ZNF445: variants seen among roughly 807,000 people sequenced by gnomAD.
The protein encoded by ZNF445 is zinc finger protein 445.
ZNF445 carries 19 observed loss-of-function variants against 93.9 expected under a neutral mutation model. The ratio of observed to expected loss-of-function variants is 0.20; its 90% CI spans 0.14 to 0.30. The LOEUF (loss-of-function observed/expected upper bound fraction) is 0.30, where lower values mean the gene tolerates loss of function less well. Among genes scored for constraint, ZNF445 ranks in the 10% least tolerant of loss-of-function variants. The probability of loss-of-function intolerance (pLI) is 1.00; values close to 1 mark genes in which losing one functional copy is unlikely to be tolerated. For synonymous variants in ZNF445, 449 were observed against 446.3 expected (o/e 1.01, Z -0.08); for missense variants, 1,058 against 1,259.4 (o/e 0.84, Z 2.42).
rs1371115728 is a variant in ZNF445 at position 44,436,630 on chromosome 3, TA to T, written c.*9944del. On this transcript the variant is annotated 3_prime_UTR_variant, in exon 8 of 8. Transcript: ENST00000396077. The stretch of plus-strand genomic sequence containing the variant: ...GCATTTCAACTCATTCAGTGCAGGT[TA>T]TGTTTGCATTCGTGTTTTTTTTTTC... 6.6e-6 allele frequency: 1 copy of T among 152,190 alleles called. No homozygotes were observed. Among genetic ancestry groups the T allele is most frequent in the African/African-American group, 2.4e-5 (1 of 41,454 alleles). The allele number at this position is 152,190 out of a possible 1,614,324, so 9.4% of individuals were successfully genotyped here. A position where few individuals can be genotyped will look rare whatever the true frequency, so the allele number is the denominator to read the frequency against.
At chr3:44,473,229 G>A (rs1014482259) in intron 1 of ZNF445, among the ~76,000 whole-genome samples, 2 of 151,970 alleles carry the variant, frequency 1.3e-5, no homozygotes, top group Non-Finnish European at 2.9e-5. Flanking sequence ...AGGCTGAGGC[G>A]AGATCATCTG....
In ZNF445 at chr3:44,455,360, G is replaced by T; in HGVS notation, c.190C>A (p.His64Asn). ...FRQLFRQLRY[H>N]ESSGPLETLS... is the part of the protein sequence containing the mutation. ...GTTTCTAGGGGCCCTGAAGACTCAT[G>T]GTAGCGAAGCTGTCTGAAGAGCTGG... Residue 64 changes from histidine (H) to asparagine (N), a missense_variant, in exon 3 of 8, where the codon CAT becomes AAT. His to Asn is a moderately conservative substitution (Grantham distance 68). Around this residue, in one of 3 missense-constraint regions of ZNF445, gnomAD observed 657 missense variants for 746.4 expected, o/e 0.88. Transcript: ENST00000396077. 1 of 1,614,098 alleles carries T rather than the reference G, an allele frequency of 6.2e-7. No individual in the cohort carries two copies. Among genetic ancestry groups the T allele is most frequent in the Non-Finnish European group, 8.5e-7 (1 of 1,179,982 alleles).
rs1281696585 is a variant in ZNF445 at position 44,443,006 on chromosome 3, G to C, written c.*3569C>G. The C allele has an allele frequency of 6.6e-6, 1 of 152,252 alleles. No homozygotes were observed. Among genetic ancestry groups the C allele is most frequent in the Non-Finnish European group, 1.5e-5 (1 of 68,066 alleles). 9.4% of individuals were successfully genotyped at this position (152,252 alleles called of 1,614,324 possible). A position where few individuals can be genotyped will look rare whatever the true frequency, so the allele number is the denominator to read the frequency against. ...TTCCAGAGTGCTTGGTCTGGCTATG[G>C]AGATGGGCATAACCAAAAACACAAA... On this transcript the variant is annotated 3_prime_UTR_variant, in exon 8 of 8. Transcript: ENST00000396077.
Position 44,445,736 on chromosome 3 carries a change from G to C in ZNF445, c.*839C>G, listed in dbSNP as rs1348640346. 2 of 152,420 alleles carry C rather than the reference G, an allele frequency of 1.3e-5. No individual in the cohort carries two copies. The highest frequency in any genetic ancestry group is 4.8e-5 in the African/African-American group (2 of 41,426). The allele number at this position is 152,420 out of a possible 1,614,324, so 9.4% of individuals were successfully genotyped here. ...TCCAGCACTCCCTCTGCTCTTCTCT[G>C]ATTCACTTTGTCCACTACACACATC... On this transcript the variant is annotated 3_prime_UTR_variant, in exon 8 of 8. Coordinates refer to ENST00000396077, the MANE Select transcript of ZNF445 (RefSeq NM_181489.6).
chr3:44,435,217 A>C lies in ZNF445; in HGVS notation c.*11358T>G, dbSNP rs1245646867. On this transcript the variant is annotated 3_prime_UTR_variant, in exon 8 of 8. Transcript: ENST00000396077. ...ACTTCTCTAACCTATAAATCTCTCT[A>C]AGCCTCATCTTTGGGGAGGTGAATT... The C allele has an allele frequency of 1.3e-5, 2 of 152,090 alleles. No individual in the cohort carries two copies. Among genetic ancestry groups the C allele is most frequent in the East Asian group, 3.8e-4 (2 of 5,198 alleles). 9.4% of individuals were successfully genotyped at this position (152,090 alleles called of 1,614,324 possible). A position where few individuals can be genotyped will look rare whatever the true frequency, so the allele number is the denominator to read the frequency against.
At position 44,436,102 on chromosome 3, in the gene ZNF445, T is replaced by C. The variant is rs1697675006; in HGVS notation, c.*10473A>G. ...AGAAGCTGTGGGTTTGTGAACTAGA[T>C]CAAGACTTGGAATTGACTGAGTGAT... On this transcript the variant is annotated 3_prime_UTR_variant, in exon 8 of 8. Transcript: ENST00000396077. The C allele has an allele frequency of 6.6e-6, 1 of 152,232 alleles. No individual in the cohort carries two copies. Among genetic ancestry groups the C allele is most frequent in the Non-Finnish European group, 1.5e-5 (1 of 68,048 alleles). 9.4% of individuals were successfully genotyped at this position (152,232 alleles called of 1,614,324 possible).
chr3:44,453,586 C>T (rs1175711317), intron 3 of ZNF445, among the ~76,000 whole-genome samples: 1 of 152,186 alleles, frequency 6.6e-6, no homozygotes, highest in East Asian at 1.9e-4. Context: ...TGAGCCACCA[C>T]GCCTGGCCAG....
At chr3:44,461,051 G>A (rs1249565111) in intron 1 of ZNF445, among the ~76,000 whole-genome samples, 1 of 152,158 alleles carries the variant, frequency 6.6e-6, no homozygotes, top group Non-Finnish European at 1.5e-5. Context: ...AATAGTCCTG[G>A]GGGGACATCC....
intron 1 of ZNF445, among the ~76,000 whole-genome samples, chr3:44,463,361 T>C (rs566382495): frequency 6.6e-6 from 1 of 152,082 alleles, no homozygotes; most frequent in Admixed American, 6.5e-5. Context: ...AATGCACAGA[T>C]GAGAGGCCCT....
chr3:44,447,422 T>A lies in ZNF445; in HGVS notation c.2249A>T (p.Gln750Leu), dbSNP rs752800002. The A allele has an allele frequency of 1.2e-6, 2 of 1,614,236 alleles. No homozygotes were observed. The highest frequency in any genetic ancestry group is 2.2e-5 in the South Asian group (2 of 91,086). Residue 750 changes from glutamine (Q) to leucine (L), a missense_variant, in exon 8 of 8, where the codon CAG (glutamine) becomes CTG (leucine). Gln to Leu is a moderately radical substitution (Grantham distance 113). This residue lies in a region of ZNF445 where 387 missense variants were observed against 475.7 expected (regional missense o/e 0.81). Coordinates refer to ENST00000396077, the MANE Select transcript of ZNF445 (RefSeq NM_181489.6). This position sits in a 1 kb window ranked among gnomAD's most constrained non-coding sequence, Gnocchi z 4.7. ...TTTGGAGTGACTGCTCTGAGGAACCTGGAACACTGTGTCCTGACTAAAAGA... is the reference window on the plus strand; with the variant it reads ...TTTGGAGTGACTGCTCTGAGGAACCAGGAACACTGTGTCCTGACTAAAAGA... ...GPSFSQDTVFQVPQSSHSKEE... is the reference protein window; with the variant it reads ...GPSFSQDTVFLVPQSSHSKEE...
intron 1 of ZNF445, among the ~76,000 whole-genome samples, chr3:44,475,859 C>T (rs1023560618): frequency 6.6e-6 from 1 of 152,020 alleles, no homozygotes; most frequent in Non-Finnish European, 1.5e-5. Flanking sequence ...ATTAGCTGGG[C>T]GTGGTGGCAC....
At position 44,438,057 on chromosome 3, in the gene ZNF445, C is replaced by T. The variant is rs1224345750; in HGVS notation, c.*8518G>A. The T allele has an allele frequency of 3.3e-5, 5 of 152,440 alleles. No individual in the cohort carries two copies. Among genetic ancestry groups the T allele is most frequent in the Non-Finnish European group, 5.9e-5 (4 of 68,010 alleles). The allele number at this position is 152,440 out of a possible 1,614,324, so 9.4% of individuals were successfully genotyped here. A position where few individuals can be genotyped will look rare whatever the true frequency, so the allele number is the denominator to read the frequency against. On this transcript the variant is annotated 3_prime_UTR_variant, in exon 8 of 8. Coordinates refer to ENST00000396077, the MANE Select transcript of ZNF445 (RefSeq NM_181489.6). Reference sequence around the variant, plus strand: ...ACATGGAGTTGCTCTCGTTCCAATGCTTCTGACGCTATCTCTACAGATTCC... The same window carrying T: ...ACATGGAGTTGCTCTCGTTCCAATGTTTCTGACGCTATCTCTACAGATTCC...
At position 44,437,037 on chromosome 3, in the gene ZNF445, C is replaced by A. The variant is rs1200113957; in HGVS notation, c.*9538G>T. The A allele has an allele frequency of 2.0e-5, 3 of 152,108 alleles. No homozygotes were observed. The highest frequency in any genetic ancestry group is 1.3e-4 in the Admixed American group (2 of 15,274). 9.4% of individuals were successfully genotyped at this position (152,108 alleles called of 1,614,324 possible). On this transcript the variant is annotated 3_prime_UTR_variant, in exon 8 of 8. Transcript: ENST00000396077. The stretch of plus-strand genomic sequence containing the variant: ...GTAAAGGAATAAAAGAATGGCTACT[C>A]CATAGACAGAGCAGCCCCGAGGGCT...
In ZNF445 at chr3:44,444,057, G is replaced by A. The variant is rs568663321; in HGVS notation, c.*2518C>T. ...CCCCAGCTACTCGGGAGGCTCAGAT[G>A]GGACCTGAGCCTGGGAGGTCAAGGC... On this transcript the variant is annotated 3_prime_UTR_variant, in exon 8 of 8. Transcript: ENST00000396077. The A allele has an allele frequency of 1.3e-5, 2 of 152,194 alleles. No homozygotes were observed. The highest frequency in any genetic ancestry group is 4.2e-4 in the South Asian group (2 of 4,818). 9.4% of individuals were successfully genotyped at this position (152,194 alleles called of 1,614,324 possible). A position where few individuals can be genotyped will look rare whatever the true frequency, so the allele number is the denominator to read the frequency against.
At chr3:44,456,762 G>A (rs967070660) in intron 2 of ZNF445, among the ~76,000 whole-genome samples, 4 of 152,034 alleles carry the variant, frequency 2.6e-5, no homozygotes, top group Admixed American at 2.6e-4. Flanking sequence ...CCCAACAATG[G>A]GTTACAAATT....
In ZNF445 at chr3:44,436,585, A is replaced by T. The variant is rs1697684728; in HGVS notation, c.*9990T>A. ...TAAGCATTTACATATCTTCCTCTAC[A>T]GTATACCAACGAAGTTCTCGCATTT... On this transcript the variant is annotated 3_prime_UTR_variant, in exon 8 of 8. Coordinates refer to ENST00000396077, the MANE Select transcript of ZNF445 (RefSeq NM_181489.6). The T allele has an allele frequency of 6.6e-6, 1 of 152,140 alleles. No individual in the cohort carries two copies. The highest frequency in any genetic ancestry group is 2.1e-4 in the South Asian group (1 of 4,834). The allele number at this position is 152,140 out of a possible 1,614,324, so 9.4% of individuals were successfully genotyped here. A position where few individuals can be genotyped will look rare whatever the true frequency, so the allele number is the denominator to read the frequency against.
At chr3:44,463,900 G>T (rs906842358) in intron 1 of ZNF445, among the ~76,000 whole-genome samples, 8 of 152,008 alleles carry the variant, frequency 5.3e-5, no homozygotes, top group African/African-American at 1.9e-4. Context: ...GGCTGAGGTG[G>T]GCGATCACTT....
chr3:44,468,300 G>C (rs564505944), intron 1 of ZNF445, among the ~76,000 whole-genome samples: 2 of 152,322 alleles, frequency 1.3e-5, no homozygotes, highest in East Asian at 3.9e-4. Context: ...CAGTGAAAGA[G>C]ATCTAACTTA....
intron 1 of ZNF445, among the ~76,000 whole-genome samples, chr3:44,476,022 A>T (rs972493703): frequency 1.3e-5 from 2 of 152,212 alleles, no homozygotes; most frequent in African/African-American, 4.8e-5. Flanking sequence ...AATAAAATAA[A>T]CAAGGAAAAA....
Sources: allele counts gnomAD v4.1 joint callset (sites outside exome capture counted in the v4.1 genomes callset), GRCh38; gene constraint gnomAD v4.1.1; regional missense constraint gnomAD v4.1.1; non-coding constraint Gnocchi (gnomAD v3.1); transcripts MANE v1.5; gene names NCBI Gene and HGNC (gene_info 2026-07-23, HGNC 2026-07-21).